The following SLC35A3 variants were observed in gnomAD, a reference collection of about 807,000 sequenced individuals.
SLC35A3 encodes the protein solute carrier family 35 member A3.
In SLC35A3, 26 loss-of-function variants were observed where a neutral mutation model predicts 39.0. That is an observed-to-expected ratio of 0.67 (90% CI 0.49 to 0.92). SLC35A3 has a LOEUF of 0.92. Among genes scored for constraint, SLC35A3 ranks in the 40% least tolerant of loss-of-function variants. SLC35A3 has a pLI of 0.00. For missense variants in SLC35A3, 299 were observed against 371.6 expected (o/e 0.80, Z 1.61); for synonymous variants, 135 against 133.1 (o/e 1.01, Z -0.10).
intron 3 of SLC35A3, among the ~76,000 whole-genome samples, chr1:100,005,074 A>G (rs986885227): frequency 2.6e-5 from 4 of 152,152 alleles, no homozygotes; most frequent in African/African-American, 9.7e-5. Context: ...ATTTTTTAAC[A>G]ATAGTTTCAC....
intron 3 of SLC35A3, among the ~76,000 whole-genome samples, chr1:100,002,007 G>C (rs1351560294): frequency 6.6e-6 from 1 of 152,148 alleles, no homozygotes; most frequent in African/African-American, 2.4e-5. Context: ...TGATTTGCAA[G>C]TATTAATATT....
Position 100,015,332 on chromosome 1 carries a change from G to C in SLC35A3, c.665G>C (p.Gly222Ala). ...GFFGSIFGLM[G>A]VYIYDGELVS... ...TTTGGAAGTATATTTGGATTAATGG[G>C]TGTATACATTTATGATGGAGAACTG... Residue 222 changes from glycine to alanine, a missense_variant, in exon 6 of 8, where the codon GGT (glycine) becomes GCT (alanine). By Grantham distance (60) the Gly-to-Ala change is moderately conservative. Coordinates refer to ENST00000533028, the MANE Select transcript of SLC35A3 (RefSeq NM_012243.3). 6.2e-7 allele frequency: 1 copy of C among 1,612,200 alleles called. No individual in the cohort carries two copies. Among genetic ancestry groups the C allele is most frequent in the Non-Finnish European group, 8.5e-7 (1 of 1,179,260 alleles).
In SLC35A3 at chr1:100,033,643, C is replaced by T. The variant is rs1187777240; in HGVS notation, c.*11167C>T. On this transcript the variant is annotated 3_prime_UTR_variant, in exon 8 of 8. Coordinates refer to ENST00000533028, the MANE Select transcript of SLC35A3 (RefSeq NM_012243.3). ...AGAGTCCCCAATTTGCTTGTCTAGG[C>T]CTCTACTATTTAATTTGACACCTTT... 1.3e-5 allele frequency: 2 copies of T among 151,942 alleles called. No individual in the cohort carries two copies. Among genetic ancestry groups the T allele is most frequent in the Middle Eastern group, 3.2e-3 (1 of 316 alleles). 9.4% of individuals were successfully genotyped at this position (151,942 alleles called of 1,614,324 possible). A position where few individuals can be genotyped will look rare whatever the true frequency, so the allele number is the denominator to read the frequency against.
At chr1:100,013,317 A>G (rs1440146631) in intron 5 of SLC35A3, among the ~76,000 whole-genome samples, 1 of 150,946 alleles carries the variant, frequency 6.6e-6, no homozygotes, top group Non-Finnish European at 1.5e-5. Flanking sequence ...TTTCTTAAAA[A>G]TATATATATA....
chr1:99,971,250 C>T (rs1235644613), intron 1 of SLC35A3, among the ~76,000 whole-genome samples: 1 of 151,856 alleles, frequency 6.6e-6, no homozygotes, highest in African/African-American at 2.4e-5. Flanking sequence ...TTTAGGGAGG[C>T]TTCAGATTTT....
intron 6 of SLC35A3, among the ~76,000 whole-genome samples, chr1:100,016,529 A>G (rs1227911458): frequency 6.6e-6 from 1 of 151,258 alleles, no homozygotes; most frequent in Admixed American, 6.6e-5. Flanking sequence ...GCCCGCCACC[A>G]AGCCCAGCTA....
At chr1:100,001,106 T>A (rs1658759395) in intron 3 of SLC35A3, among the ~76,000 whole-genome samples, 1 of 152,206 alleles carries the variant, frequency 6.6e-6, no homozygotes, top group Non-Finnish European at 1.5e-5. Flanking sequence ...TTTTGGTTAC[T>A]ATAGCCTTGT....
chr1:99,976,816 A>G (rs557450257), intron 1 of SLC35A3, among the ~76,000 whole-genome samples: 17 of 152,336 alleles, frequency 1.1e-4, no homozygotes, highest in African/African-American at 3.6e-4. Context: ...TTAAGGGTGC[A>G]GGGTTGGAGG....
rs1661223132 is a variant in SLC35A3 at position 100,031,423 on chromosome 1, A to G, written c.*8947A>G. 6.6e-6 allele frequency: 1 copy of G among 152,192 alleles called. No individual in the cohort carries two copies. The highest frequency in any genetic ancestry group is 2.1e-4 in the South Asian group (1 of 4,834). The allele number at this position is 152,192 out of a possible 1,614,324, so 9.4% of individuals were successfully genotyped here. On this transcript the variant is annotated 3_prime_UTR_variant, in exon 8 of 8. Transcript: ENST00000533028. ...CTTCTTAATTAACCTCAGTGCCATT[A>G]TGACACCTAAGAAAATTTAAATTAA...
chr1:99,993,128 T>G (rs1213586716), intron 1 of SLC35A3: 1 of 153,616 alleles, frequency 6.5e-6, no homozygotes, highest in African/African-American at 2.4e-5. Flanking sequence ...TTTGTTGTTG[T>G]TTTTGTTCTA....
chr1:99,998,965 T>C lies in SLC35A3; in HGVS notation c.188-296T>C, dbSNP rs1557833737. ...ATACTTGGTTAACAAATTAAAACTT[T>C]GAGATTTTGGCTGTCATAAATATGT... On this transcript the variant is annotated intron_variant, in intron 2 of 7. Transcript: ENST00000533028. 3.3e-5 allele frequency among the ~76,000 whole-genome samples: 5 copies of C among 152,332 alleles called. No individual in the cohort carries two copies. In the East Asian group the frequency reaches 5.8e-4, roughly 18 times the overall value.
At chr1:100,020,224 C>A (rs950223600) in intron 7 of SLC35A3, among the ~76,000 whole-genome samples, 2 of 151,984 alleles carry the variant, frequency 1.3e-5, no homozygotes, top group Admixed American at 6.5e-5. Context: ...ACAACTTTCT[C>A]TCTCAGAACC....
At chr1:100,017,073 CTT>C (rs141507141) in intron 6 of SLC35A3, among the ~76,000 whole-genome samples, 26 of 152,288 alleles carry the variant, frequency 1.7e-4, no homozygotes, top group African/African-American at 6.0e-4. Context: ...GATAAGTAGT[CTT>C]TGGCAGAAAG....
intron 5 of SLC35A3, among the ~76,000 whole-genome samples, chr1:100,013,747 ATG>A (rs1659855057): frequency 6.6e-6 from 1 of 152,054 alleles, no homozygotes; most frequent in Non-Finnish European, 1.5e-5. Context: ...ATACCATCAC[ATG>A]TGTTTTTGTA....
chr1:99,986,904 A>G (rs1322075040), intron 1 of SLC35A3, among the ~76,000 whole-genome samples: 1 of 152,218 alleles, frequency 6.6e-6, no homozygotes, highest in Non-Finnish European at 1.5e-5. Flanking sequence ...TTCACTTGAA[A>G]AGAAGTTAGA....
chr1:99,971,175 A>C (rs1656790997), intron 1 of SLC35A3, among the ~76,000 whole-genome samples: 1 of 152,004 alleles, frequency 6.6e-6, no homozygotes. Flanking sequence ...ATACGCAGTG[A>C]CTCTCGATCG....
intron 1 of SLC35A3, among the ~76,000 whole-genome samples, chr1:99,972,331 C>CTTTTTTTT (rs761559206): frequency 7.6e-6 from 1 of 132,016 alleles, no homozygotes. Flanking sequence ...GTACTTACTA[C>CTTTTTTTT]TTTTTTTTTT....
chr1:99,985,819 T>C (rs946699805), intron 1 of SLC35A3, among the ~76,000 whole-genome samples: 1 of 152,210 alleles, frequency 6.6e-6, no homozygotes, highest in African/African-American at 2.4e-5. Flanking sequence ...TTTTATTTTA[T>C]TGTTTTGCAG....
At chr1:99,998,451 C>G (rs1459861163) in intron 2 of SLC35A3, among the ~76,000 whole-genome samples, 1 of 152,126 alleles carries the variant, frequency 6.6e-6, no homozygotes, top group Admixed American at 6.6e-5. Flanking sequence ...AGCCACCGTG[C>G]CCAGCCTGAC....
Sources: allele counts gnomAD v4.1 joint callset (sites outside exome capture counted in the v4.1 genomes callset), GRCh38; gene constraint gnomAD v4.1.1; transcripts MANE v1.5; gene names NCBI Gene and HGNC (gene_info 2026-07-23, HGNC 2026-07-21).